The following ARHGAP26 variants were observed in gnomAD, a reference collection of about 807,000 sequenced individuals.
ARHGAP26 encodes the protein rho GTPase-activating protein 26.
ARHGAP26 carries 38 observed loss-of-function variants against 104.8 expected under a neutral mutation model. The observed-to-expected ratio is 0.36, with a 90% confidence interval of 0.28 to 0.48. ARHGAP26 has a LOEUF of 0.48. Among genes scored for constraint, ARHGAP26 ranks in the 20% least tolerant of loss-of-function variants. ARHGAP26 has a pLI of 0.99. For synonymous variants in ARHGAP26, 341 were observed against 340.0 expected, an observed-to-expected ratio of 1.00 and a Z score of -0.03; for missense variants, 704 against 947.9, an observed-to-expected ratio of 0.74 and a Z score of 3.38.
intron 1 of ARHGAP26, among the ~76,000 whole-genome samples, chr5:142,779,650 A>G (rs1757102865): frequency 8.5e-5 from 13 of 152,224 alleles, no homozygotes; most frequent in Admixed American, 8.5e-4. Context: ...TTGCTGTCAC[A>G]TCTGCTTTTA....
At chr5:142,927,663 T>C (rs1232110878) in intron 10 of ARHGAP26, among the ~76,000 whole-genome samples, 1 of 152,256 alleles carries the variant, frequency 6.6e-6, no homozygotes, top group East Asian at 1.9e-4. Context: ...GGTGGACATA[T>C]GCACTCATTT....
Position 143,136,042 on chromosome 5 carries a change from T to C in ARHGAP26, c.1837+1937T>C, listed in dbSNP as rs550818523. On this transcript the variant is annotated intron_variant, in intron 19 of 22. Coordinates refer to ENST00000645722, the MANE Select transcript of ARHGAP26 (RefSeq NM_001135608.3). The stretch of plus-strand genomic sequence containing the variant: ...GGACAGCCACGGTCACCTAATGTTT[T>C]GTACTTATCAGTGTACGGTGTAGAT... 1.1e-4 allele frequency among the ~76,000 whole-genome samples: 17 copies of C among 152,378 alleles called. No individual in the cohort carries two copies. In the East Asian group the frequency reaches 1.2e-3, roughly 10 times the overall value.
chr5:143,117,339 T>A (rs1047263646), intron 17 of ARHGAP26, among the ~76,000 whole-genome samples: 1 of 152,196 alleles, frequency 6.6e-6, no homozygotes, highest in Non-Finnish European at 1.5e-5. Context: ...CGAGCTATAA[T>A]GGATGGCTGG....
intron 20 of ARHGAP26, among the ~76,000 whole-genome samples, chr5:143,171,886 C>T (rs948496717): frequency 5.3e-5 from 8 of 152,262 alleles, no homozygotes; most frequent in African/African-American, 1.9e-4. Flanking sequence ...GTTAGGTTTG[C>T]GATTTGGGAT....
intron 11 of ARHGAP26, among the ~76,000 whole-genome samples, chr5:142,949,356 G>A (rs777718526): frequency 3.3e-5 from 5 of 151,576 alleles, no homozygotes; most frequent in Admixed American, 2.6e-4. Context: ...CTCAGGACCC[G>A]AGCCATATCA....
chr5:142,857,122 G>A (rs1752487456), intron 1 of ARHGAP26, among the ~76,000 whole-genome samples: 2 of 152,154 alleles, frequency 1.3e-5, no homozygotes, highest in African/African-American at 4.8e-5. Context: ...GTGTGTGTGT[G>A]TGTCCTCACT....
intron 14 of ARHGAP26, among the ~76,000 whole-genome samples, chr5:143,049,161 A>C (rs566559760): frequency 3.3e-5 from 5 of 152,224 alleles, no homozygotes; most frequent in African/African-American, 1.2e-4. Context: ...AAGACAAACA[A>C]ATCTCTTTAC....
rs75900378 is a variant in ARHGAP26 at position 143,224,777 on chromosome 5, C to T, written c.*2331C>T. ...ACTCTTCCCTTTCACCTCCAATTCC[C>T]GTGATCCCAAAAGAAGAGGAAGACT... On this transcript the variant is annotated 3_prime_UTR_variant, in exon 23 of 23. Coordinates refer to ENST00000645722, the MANE Select transcript of ARHGAP26 (RefSeq NM_001135608.3). The T allele has an allele frequency of 0.022, 4,953 of 227,486 alleles. 248 individuals carry two copies. The highest frequency in any genetic ancestry group is 0.1 in the African/African-American group (4,685 of 45,088). The allele number at this position is 227,486 out of a possible 1,614,324, so 14.1% of individuals were successfully genotyped here.
At chr5:143,153,545 C>T (rs1800096850) in intron 20 of ARHGAP26, among the ~76,000 whole-genome samples, 1 of 152,178 alleles carries the variant, frequency 6.6e-6, no homozygotes, top group South Asian at 2.1e-4. Flanking sequence ...TCAGGGAATG[C>T]CCCACCAGGG....
At chr5:143,156,904 G>C (rs1026297862) in intron 20 of ARHGAP26, among the ~76,000 whole-genome samples, 1 of 152,246 alleles carries the variant, frequency 6.6e-6, no homozygotes, top group African/African-American at 2.4e-5. Context: ...TCGCAAATGC[G>C]TGCCTGTTGG....
At chr5:143,018,568 G>T (rs1409143616) in intron 12 of ARHGAP26, among the ~76,000 whole-genome samples, 1 of 152,166 alleles carries the variant, frequency 6.6e-6, no homozygotes, top group Non-Finnish European at 1.5e-5. Context: ...GGAAGAGTTA[G>T]TTTTCCTATC....
chr5:142,949,032 G>C (rs183108702), intron 11 of ARHGAP26, among the ~76,000 whole-genome samples: 1,706 of 151,944 alleles, frequency 0.011, 24 homozygotes, highest in African/African-American at 0.027. Flanking sequence ...TTGAACCTGG[G>C]GGGCGGAGGT....
chr5:142,950,804 G>C (rs1474506890), intron 11 of ARHGAP26, among the ~76,000 whole-genome samples: 1 of 152,164 alleles, frequency 6.6e-6, no homozygotes, highest in East Asian at 1.9e-4. Flanking sequence ...AAAGAAAACT[G>C]TTCAGGAATG....
Position 143,224,269 on chromosome 5 carries a change from G to A in ARHGAP26, c.*1823G>A, listed in dbSNP as rs150128283. 163 of 232,230 alleles carry A rather than the reference G, an allele frequency of 7.0e-4. 1 individual carries two copies. Among genetic ancestry groups the A allele is most frequent in the African/African-American group, 3.3e-3 (152 of 45,396 alleles). The allele number at this position is 232,230 out of a possible 1,614,324, so 14.4% of individuals were successfully genotyped here. On this transcript the variant is annotated 3_prime_UTR_variant, in exon 23 of 23. Transcript: ENST00000645722. Reference sequence around the variant, plus strand: ...GAGAGAGGGGAGGCAAAGCTGAAGAGAGTCAAGGTCACTGTCCCCGCTTCG... The same window carrying A: ...GAGAGAGGGGAGGCAAAGCTGAAGAAAGTCAAGGTCACTGTCCCCGCTTCG...
intron 10 of ARHGAP26, chr5:142,915,682 G>A (rs1055159017): frequency 6.6e-6 from 1 of 152,178 alleles, no homozygotes; most frequent in Non-Finnish European, 1.5e-5. Context: ...TAATGAACAG[G>A]AGGTAAGTAG....
chr5:142,961,997 G>A (rs950140214), intron 11 of ARHGAP26, among the ~76,000 whole-genome samples: 3 of 152,066 alleles, frequency 2.0e-5, no homozygotes, highest in Non-Finnish European at 4.4e-5. Context: ...AGCATTCCCA[G>A]GTTTGTTTAA....
intron 17 of ARHGAP26, among the ~76,000 whole-genome samples, chr5:143,067,488 C>T (rs1348066349): frequency 6.6e-6 from 1 of 152,144 alleles, no homozygotes; most frequent in Non-Finnish European, 1.5e-5. Context: ...CAGTTTCAGT[C>T]CAAGAAAGGG....
chr5:142,952,570 T>C (rs1562143652), intron 11 of ARHGAP26, among the ~76,000 whole-genome samples: 2 of 152,126 alleles, frequency 1.3e-5, no homozygotes, highest in Non-Finnish European at 1.5e-5. Flanking sequence ...TGCAAAGTTA[T>C]TTTTAAAAAA....
chr5:142,987,040 A>G (rs1774848130), intron 11 of ARHGAP26, among the ~76,000 whole-genome samples: 1 of 152,066 alleles, frequency 6.6e-6, no homozygotes, highest in African/African-American at 2.4e-5. Context: ...TTCTGTGAAG[A>G]AAGTCATTGG....
Sources: allele counts gnomAD v4.1 joint callset (sites outside exome capture counted in the v4.1 genomes callset), GRCh38; gene constraint gnomAD v4.1.1; transcripts MANE v1.5; gene names NCBI Gene and HGNC (gene_info 2026-07-23, HGNC 2026-07-21).